The following SGCZ variants were observed in gnomAD, a reference collection of about 807,000 sequenced individuals.
The protein encoded by SGCZ is sarcoglycan zeta, also known as zeta-sarcoglycan.
A neutral mutation model predicts 41.3 loss-of-function variants in SGCZ; 40 were observed. The ratio of observed to expected loss-of-function variants is 0.97; its 90% CI spans 0.75 to 1.26. The LOEUF (loss-of-function observed/expected upper bound fraction) is 1.26. Ranked by LOEUF, SGCZ falls within the 50% of genes most tolerant of loss-of-function variation. The probability of loss-of-function intolerance (pLI) is 0.00; values close to 1 mark genes in which losing one functional copy is unlikely to be tolerated. For missense variants in SGCZ, 552 were observed against 369.8 expected, an observed-to-expected ratio of 1.49 and a Z score of -4.04; for synonymous variants, 206 against 137.5, an observed-to-expected ratio of 1.50 and a Z score of -3.49.
chr8:14,953,415 C>T (rs1800702235), intron 1 of SGCZ, among the ~76,000 whole-genome samples: 2 of 152,126 alleles, frequency 1.3e-5, no homozygotes, highest in African/African-American at 4.8e-5. Context: ...AGGTCCCTCC[C>T]CCAAAACTGG....
chr8:14,955,430 A>G (rs1368411630), intron 1 of SGCZ, among the ~76,000 whole-genome samples: 2 of 152,284 alleles, frequency 1.3e-5, no homozygotes, highest in African/African-American at 2.4e-5. Flanking sequence ...CCTAGTGCCT[A>G]TTTTCACATG....
chr8:14,946,545 C>CT (rs1303567001), intron 1 of SGCZ, among the ~76,000 whole-genome samples: 3 of 152,018 alleles, frequency 2.0e-5, no homozygotes, highest in African/African-American at 7.2e-5. Flanking sequence ...AATGAATCAT[C>CT]TTTTTCTTTT....
intron 1 of SGCZ, among the ~76,000 whole-genome samples, chr8:15,039,366 C>T (rs147374014): frequency 0.018 from 2,682 of 152,174 alleles, 38 homozygotes; most frequent in Middle Eastern, 0.024. Flanking sequence ...TGAAATCAGC[C>T]AGGCACAGAG....
At chr8:15,113,526 T>G (rs1807152343) in intron 1 of SGCZ, among the ~76,000 whole-genome samples, 1 of 152,140 alleles carries the variant, frequency 6.6e-6, no homozygotes, top group African/African-American at 2.4e-5. Context: ...TGCAATACTC[T>G]CCTTTTCAAA....
At chr8:14,687,706 A>G (rs1163711818) in intron 1 of SGCZ, among the ~76,000 whole-genome samples, 1 of 151,524 alleles carries the variant, frequency 6.6e-6, no homozygotes, top group East Asian at 1.9e-4. Flanking sequence ...TTGGGTATAT[A>G]CCCAGTAATG....
intron 1 of SGCZ, among the ~76,000 whole-genome samples, chr8:14,951,870 C>A (rs190082587): frequency 1.3e-5 from 2 of 152,050 alleles, no homozygotes; most frequent in African/African-American, 2.4e-5. Flanking sequence ...ATTTTCAAAT[C>A]TGTCCTAAAA....
chr8:14,112,724 A>C (rs898836031), intron 5 of SGCZ, among the ~76,000 whole-genome samples: 1 of 152,142 alleles, frequency 6.6e-6, no homozygotes, highest in Non-Finnish European at 1.5e-5. Flanking sequence ...TTGTAAAATT[A>C]AAAACCAGAT....
chr8:14,731,300 C>A (rs939727179), intron 1 of SGCZ, among the ~76,000 whole-genome samples: 1 of 148,702 alleles, frequency 6.7e-6, no homozygotes, highest in East Asian at 1.9e-4. Context: ...AAACCAAACA[C>A]CACATGTTCC....
chr8:15,097,653 G>A (rs1006784975), intron 1 of SGCZ, among the ~76,000 whole-genome samples: 1 of 151,010 alleles, frequency 6.6e-6, no homozygotes, highest in Non-Finnish European at 1.5e-5. Context: ...CTACTGAGGC[G>A]AGAGAATCTC....
chr8:14,724,688 G>GATATATATAT (rs143980961), intron 1 of SGCZ, among the ~76,000 whole-genome samples: 15 of 148,700 alleles, frequency 1.0e-4, no homozygotes, highest in Non-Finnish European at 2.1e-4. Context: ...ATCACTAAGT[G>GATATATATAT]ATATATATAT....
intron 1 of SGCZ, among the ~76,000 whole-genome samples, chr8:14,941,051 G>C (rs1411181787): frequency 6.6e-6 from 1 of 151,834 alleles, no homozygotes; most frequent in Non-Finnish European, 1.5e-5. Flanking sequence ...AAATAGACAG[G>C]CAACAAATAC....
chr8:14,694,378 T>C (rs1808893141), intron 1 of SGCZ, among the ~76,000 whole-genome samples: 1 of 152,224 alleles, frequency 6.6e-6, no homozygotes, highest in South Asian at 2.1e-4. Flanking sequence ...ATATTCAGAT[T>C]CTTGTTGCCA....
chr8:14,241,510 T>A lies in SGCZ; in HGVS notation c.337-3831A>T, dbSNP rs562925331. Among the ~76,000 whole-genome samples, 9 of 148,098 alleles carry A rather than the reference T, an allele frequency of 6.1e-5. No homozygotes were observed. The East Asian group carries it at 1.6e-3, about 26-fold the overall frequency. On this transcript the variant is annotated intron_variant, in intron 3 of 7. Coordinates refer to ENST00000382080, the MANE Select transcript of SGCZ (RefSeq NM_139167.4). ...TAGCATCTACATAAAACAATATATA[T>A]AATATATAGCATGATATACTAACAT...
At chr8:14,375,427 T>C (rs571486377) in intron 2 of SGCZ, among the ~76,000 whole-genome samples, 100 of 152,276 alleles carry the variant, frequency 6.6e-4, no homozygotes, top group Non-Finnish European at 1.1e-3. Flanking sequence ...AACATAATTA[T>C]TAGGAAGGTT....
At chr8:14,611,159 C>T (rs984418472) in intron 1 of SGCZ, among the ~76,000 whole-genome samples, 1 of 152,068 alleles carries the variant, frequency 6.6e-6, no homozygotes, top group Non-Finnish European at 1.5e-5. Context: ...TCTCATTTTA[C>T]AATCTGTGAC....
At chr8:14,602,472 C>T (rs1404101276) in intron 1 of SGCZ, among the ~76,000 whole-genome samples, 5 of 151,556 alleles carry the variant, frequency 3.3e-5, no homozygotes, top group Non-Finnish European at 7.4e-5. Context: ...ATTGCTTGAA[C>T]CCAGGAGTTC....
rs533941175 is a variant in SGCZ at position 15,228,294 on chromosome 8, C to T, written c.39+9291G>A. Among the ~76,000 whole-genome samples, 13 of 152,282 alleles carry T rather than the reference C, an allele frequency of 8.5e-5. No individual in the cohort carries two copies. In the East Asian group the frequency reaches 2.5e-3, roughly 29 times the overall value. On this transcript the variant is annotated intron_variant, in intron 1 of 7. Transcript: ENST00000382080. The stretch of plus-strand genomic sequence containing the variant: ...TAGCTTAATCCACCTGTGTATTTCA[C>T]ACACTGTAATTACTAAATGTTCATA...
intron 1 of SGCZ, among the ~76,000 whole-genome samples, chr8:14,984,444 A>G (rs1024619667): frequency 6.6e-6 from 1 of 152,132 alleles, no homozygotes; most frequent in Non-Finnish European, 1.5e-5. Flanking sequence ...GATTATTTTT[A>G]TGTCTCTTAA....
chr8:14,395,124 T>C (rs1416464192), intron 2 of SGCZ, among the ~76,000 whole-genome samples: 2 of 152,188 alleles, frequency 1.3e-5, no homozygotes, highest in Admixed American at 6.5e-5. Context: ...GTAAATACTC[T>C]ATAATTATTC....
Sources: gnomAD v4.1 joint callset for allele counts (sites outside exome capture counted in the v4.1 genomes callset) on GRCh38, gnomAD v4.1.1 for gene constraint, MANE v1.5 for transcripts, NCBI Gene and HGNC (gene_info 2026-07-23, HGNC 2026-07-21) for gene names.